SHROOM3: variants seen among roughly 807,000 people sequenced by gnomAD.
SHROOM3 encodes the protein shroom family member 3.
In SHROOM3, 47 loss-of-function variants were observed where a neutral mutation model predicts 138.6. The observed-to-expected ratio is 0.34, with a 90% CI of 0.27 to 0.43. The LOEUF is 0.43. SHROOM3 is among the 20% of genes least tolerant of loss of function. SHROOM3 has a pLI of 1.00. For synonymous variants in SHROOM3, 1,062 were observed against 1,063.3 expected, an observed-to-expected ratio of 1.00 and a Z score of 0.02; for missense variants, 2,491 against 2,596.5, an observed-to-expected ratio of 0.96 and a Z score of 0.88.
chr4:76,565,971 A>G (rs1733713366), intron 2 of SHROOM3, among the ~76,000 whole-genome samples: 1 of 151,718 alleles, frequency 6.6e-6, no homozygotes, highest in South Asian at 2.1e-4. Context: ...CTAGCCGGGC[A>G]TGGTGGTGCG....
chr4:76,475,423 C>T (rs1163267106), intron 1 of SHROOM3, among the ~76,000 whole-genome samples: 1 of 152,130 alleles, frequency 6.6e-6, no homozygotes, highest in Non-Finnish European at 1.5e-5. Flanking sequence ...ATTAACCTGC[C>T]ATAGTTTCAT....
At chr4:76,704,475 C>A (rs4859709) in intron 2 of SHROOM3, among the ~76,000 whole-genome samples, 3 of 152,092 alleles carry the variant, frequency 2.0e-5, no homozygotes, top group Non-Finnish European at 4.4e-5. Flanking sequence ...GATGTTCCAG[C>A]TGGGAGCAGA....
chr4:76,744,041 T>C (rs920100424), intron 5 of SHROOM3, among the ~76,000 whole-genome samples: 1 of 152,230 alleles, frequency 6.6e-6, no homozygotes, highest in Admixed American at 6.5e-5. Context: ...TAGAGGTTGG[T>C]TGGATGGCTA....
intron 9 of SHROOM3, among the ~76,000 whole-genome samples, chr4:76,767,678 C>CA (rs1438101852): frequency 4.0e-5 from 6 of 151,710 alleles, no homozygotes; most frequent in Middle Eastern, 3.4e-3. Context: ...AACTCCATCT[C>CA]AAAAAAACAA....
At chr4:76,671,954 T>C (rs1438223926) in intron 2 of SHROOM3, among the ~76,000 whole-genome samples, 1 of 152,170 alleles carries the variant, frequency 6.6e-6, no homozygotes, top group Non-Finnish European at 1.5e-5. Flanking sequence ...ATCACGTCAG[T>C]GCTCAAAAAG....
At chr4:76,451,938 C>T (rs951911547) in intron 1 of SHROOM3, among the ~76,000 whole-genome samples, 1 of 152,158 alleles carries the variant, frequency 6.6e-6, no homozygotes, top group African/African-American at 2.4e-5. Context: ...AACTCTTGGG[C>T]TCAAGCCATC....
intron 2 of SHROOM3, among the ~76,000 whole-genome samples, chr4:76,605,118 G>A (rs1401167127): frequency 6.6e-6 from 1 of 152,150 alleles, no homozygotes; most frequent in Non-Finnish European, 1.5e-5. Flanking sequence ...CCCCATGGCG[G>A]TAAAAGCATC....
At position 76,759,654 on chromosome 4, in the gene SHROOM3, G is replaced by A. The variant is rs1721931668; in HGVS notation, c.5308G>A (p.Val1770Met). Reference sequence around the variant, plus strand: ...CAAAATCAAAGAGATGCCAGCAGAAGTGAATGAGGAAGAGGAACAGGCAGA... The same window carrying A: ...CAAAATCAAAGAGATGCCAGCAGAAATGAATGAGGAAGAGGAACAGGCAGA... The part of the protein sequence containing the change: ...LNKIKEMPAE[V>M]NEEEEQADVN... Residue 1770 changes from valine to methionine, a missense_variant, in exon 9 of 11, where the codon GTG becomes ATG. Coordinates refer to ENST00000296043, the MANE Select transcript of SHROOM3 (RefSeq NM_020859.4). The A allele has an allele frequency of 6.2e-7, 1 of 1,614,084 alleles. No homozygotes were observed. Among genetic ancestry groups the A allele is most frequent in the Admixed American group, 1.7e-5 (1 of 60,002 alleles).
chr4:76,468,041 T>C (rs2109979850), intron 1 of SHROOM3, among the ~76,000 whole-genome samples: 1 of 152,346 alleles, frequency 6.6e-6, no homozygotes, highest in African/African-American at 2.4e-5. Context: ...GCAAGCAGCC[T>C]GTTGGGAGCC....
chr4:76,654,228 G>A (rs1736019164), intron 2 of SHROOM3, among the ~76,000 whole-genome samples: 1 of 152,170 alleles, frequency 6.6e-6, no homozygotes, highest in Non-Finnish European at 1.5e-5. Flanking sequence ...ATAAGACACA[G>A]GTGAAAAAGC....
rs1479498110 is a variant in SHROOM3, at chr4:76,700,495, A to G, written c.324-9661A>G. 2.6e-5 allele frequency among the ~76,000 whole-genome samples: 4 copies of G among 152,208 alleles called. No homozygotes were observed. In the East Asian group the frequency reaches 7.7e-4, roughly 29 times the overall value. The stretch of plus-strand genomic sequence containing the variant: ...AAGTGAATGACAAGGAGAGGGAGGC[A>G]TGCTGAGTGTGGGCTGCTCTCATGG... On this transcript the variant is annotated intron_variant, in intron 2 of 10. Coordinates refer to ENST00000296043, the MANE Select transcript of SHROOM3 (RefSeq NM_020859.4).
At chr4:76,477,356 C>T (rs373061535) in intron 1 of SHROOM3, among the ~76,000 whole-genome samples, 5 of 151,766 alleles carry the variant, frequency 3.3e-5, no homozygotes, top group Non-Finnish European at 7.4e-5. Context: ...ACTTTGTATG[C>T]GGTAAGAGGA....
At chr4:76,631,917 T>G (rs2110073582) in intron 2 of SHROOM3, among the ~76,000 whole-genome samples, 1 of 152,310 alleles carries the variant, frequency 6.6e-6, no homozygotes, top group Non-Finnish European at 1.5e-5. Flanking sequence ...GCAGTGAAGA[T>G]AGCTGAAGTG....
At chr4:76,480,797 T>A (rs1731592242) in intron 1 of SHROOM3, among the ~76,000 whole-genome samples, 1 of 152,150 alleles carries the variant, frequency 6.6e-6, no homozygotes, top group African/African-American at 2.4e-5. Flanking sequence ...CAGACCATAG[T>A]GCAATCAAAC....
chr4:76,740,453 G>T lies in SHROOM3; in HGVS notation c.2280G>T (p.Gly760=), dbSNP rs759507248. 7 of 1,611,546 alleles carry T rather than the reference G, an allele frequency of 4.3e-6. No individual in the cohort carries two copies. The highest frequency in any genetic ancestry group is 5.1e-6 in the Non-Finnish European group (6 of 1,178,662). ...ACACATCCAGTCTGGGCCGGAGGGG[G>T]CCCGGCCCAGGCAGCGCCTCGGCTC... is the stretch of plus-strand genomic sequence containing the variant. ...HPHTSSLGRR[G]PGPGSASALQ... The change falls in exon 5 of 11, where the codon GGG becomes GGT. Residue 760 remains glycine (G), a synonymous_variant. Transcript: ENST00000296043. This position sits in a 1 kb window ranked among gnomAD's most constrained non-coding sequence, Gnocchi z 4.0.
chr4:76,742,088 G>T, intron 5 of SHROOM3, 162 bp downstream of exon 5: 2 of 913,922 alleles, frequency 2.2e-6, no homozygotes, highest in South Asian at 1.4e-5. Context: ...TTTCTCAAGT[G>T]TCCCTTACCT....
intron 1 of SHROOM3, among the ~76,000 whole-genome samples, chr4:76,500,121 A>G (rs1357470226): frequency 3.9e-5 from 6 of 152,142 alleles, no homozygotes; most frequent in African/African-American, 1.4e-4. Context: ...TCCAGTTCGG[A>G]CATTAGACAG....
intron 9 of SHROOM3, among the ~76,000 whole-genome samples, chr4:76,768,966 T>C (rs1173542908): frequency 2.0e-5 from 3 of 152,204 alleles, no homozygotes; most frequent in African/African-American, 4.8e-5. Context: ...GACTCCAAGA[T>C]AGGCAGATTG....
intron 2 of SHROOM3, among the ~76,000 whole-genome samples, chr4:76,663,188 A>T (rs1200467472): frequency 6.6e-6 from 1 of 152,184 alleles, no homozygotes; most frequent in African/African-American, 2.4e-5. Context: ...AAACTGGCTA[A>T]ATCTATTCCA....
Sources: gnomAD v4.1 joint callset for allele counts (sites outside exome capture counted in the v4.1 genomes callset) on GRCh38, gnomAD v4.1.1 for gene constraint, Gnocchi (gnomAD v3.1) non-coding constraint, MANE v1.5 for transcripts, NCBI Gene and HGNC (gene_info 2026-07-23, HGNC 2026-07-21) for gene names.